The following MOGAT1 variants were observed in gnomAD, a reference collection of about 807,000 sequenced individuals.
The protein encoded by MOGAT1 is monoacylglycerol O-acyltransferase 1, also known as 2-acylglycerol O-acyltransferase 1.
In MOGAT1, 32 loss-of-function variants were observed where a neutral mutation model predicts 31.4. That is an observed-to-expected ratio of 1.02 (90% CI 0.77 to 1.37). The LOEUF is 1.37. Ranked by LOEUF, MOGAT1 falls within the 40% of genes most tolerant of loss-of-function variation. The probability of loss-of-function intolerance (pLI) is 0.00; values close to 1 mark genes in which losing one functional copy is unlikely to be tolerated. For missense variants in MOGAT1, 426 were observed against 402.0 expected (o/e 1.06, Z -0.51); for synonymous variants, 145 against 144.5 (o/e 1.00, Z -0.03).
At chr2:222,708,345 A>G (rs894243879) in intron 5 of MOGAT1, among the ~76,000 whole-genome samples, 2 of 152,024 alleles carry the variant, frequency 1.3e-5, no homozygotes, top group Non-Finnish European at 2.9e-5. Flanking sequence ...CAGCCTCCCA[A>G]AGTGTTGGGA....
intron 1 of MOGAT1, among the ~76,000 whole-genome samples, chr2:222,679,718 G>T (rs1047558125): frequency 6.6e-6 from 1 of 152,236 alleles, no homozygotes; most frequent in Non-Finnish European, 1.5e-5. Context: ...AGCAGTCATT[G>T]TTTTGGACTG....
chr2:222,680,130 A>T (rs746460771), intron 1 of MOGAT1, among the ~76,000 whole-genome samples: 1 of 152,234 alleles, frequency 6.6e-6, no homozygotes, highest in South Asian at 2.1e-4. Flanking sequence ...GTCTTTTCAC[A>T]TTATTTTGTC....
chr2:222,698,685 T>A (rs1692872789), intron 5 of MOGAT1: 1 of 152,186 alleles, frequency 6.6e-6, no homozygotes, highest in Admixed American at 6.5e-5. Context: ...ATTGCCACCC[T>A]CCTCTCACAC....
intron 3 of MOGAT1, among the ~76,000 whole-genome samples, chr2:222,692,343 T>C (rs948956390): frequency 2.0e-5 from 3 of 152,356 alleles, no homozygotes; most frequent in Middle Eastern, 3.4e-3. Flanking sequence ...TTTGTCATTA[T>C]TATCAATACT....
Position 222,671,776 on chromosome 2 carries a change from C to T in MOGAT1, c.-10C>T, listed in dbSNP as rs1287560389. On this transcript the variant is annotated 5_prime_UTR_variant, in exon 1 of 6. Coordinates refer to ENST00000446656, the MANE Select transcript of MOGAT1 (RefSeq NM_058165.3). Reference sequence around the variant, plus strand: ...TGCAGTGGCTGGCGCCGTCCTCGCCCGGCCAGGCCATGAAGGTAGAGTTTG... The same window carrying T: ...TGCAGTGGCTGGCGCCGTCCTCGCCTGGCCAGGCCATGAAGGTAGAGTTTG... The T allele has an allele frequency of 7.7e-6, 12 of 1,549,670 alleles. No homozygotes were observed. Among genetic ancestry groups the T allele is most frequent in the Non-Finnish European group, 1.0e-5 (12 of 1,146,596 alleles).
chr2:222,707,016 C>A (rs868709912), intron 5 of MOGAT1, among the ~76,000 whole-genome samples: 2 of 152,002 alleles, frequency 1.3e-5, no homozygotes, highest in Admixed American at 6.6e-5. Context: ...CATAGTGAAC[C>A]CTGTCTCTAC....
At chr2:222,694,220 A>C in intron 3 of MOGAT1, 142 bp from the exon 4 acceptor site, 1 of 735,218 alleles carries the variant, frequency 1.4e-6, no homozygotes, top group Non-Finnish European at 2.1e-6. Flanking sequence ...GCTATGAAAA[A>C]TTACAAACTT....
Position 222,688,463 on chromosome 2 carries a change from T to A in MOGAT1, c.214T>A (p.Ser72Thr). 1 of 1,613,802 alleles carries A rather than the reference T, an allele frequency of 6.2e-7. No individual in the cohort carries two copies. The highest frequency in any genetic ancestry group is 8.5e-7 in the Non-Finnish European group (1 of 1,179,826). Residue 72 changes from serine to threonine, a missense_variant, in exon 2 of 6, where the codon TCC becomes ACC. Ser to Thr is a moderately conservative substitution (Grantham distance 58, BLOSUM62 1). Transcript: ENST00000446656. ...TACCCCAGAGCGAGGAGGCAGGAGA[T>A]CCAGCTGGATCAAAAATTGGACTCT... Reference protein sequence around the residue: ...WHTPERGGRRSSWIKNWTLWK... With the variant: ...WHTPERGGRRTSWIKNWTLWK...
intron 3 of MOGAT1, among the ~76,000 whole-genome samples, chr2:222,692,419 A>G (rs917998635): frequency 6.6e-6 from 1 of 152,226 alleles, no homozygotes. Flanking sequence ...TGATCAGTCA[A>G]TGTGGTGGCT....
rs76338823 is a variant in MOGAT1 at position 222,696,163 on chromosome 2, C to T, written c.853+875C>T. 6.2e-3 allele frequency among the ~76,000 whole-genome samples: 942 copies of T among 152,318 alleles called. 9 individuals carry two copies. The highest frequency in any genetic ancestry group is 0.021 in the African/African-American group (877 of 41,562). Reference sequence around the variant, plus strand: ...ACATATATCACAATTTCCTTATCCACTCAATGATGGGCATTTGGGCTGGTT... The same window carrying T: ...ACATATATCACAATTTCCTTATCCATTCAATGATGGGCATTTGGGCTGGTT... On this transcript the variant is annotated intron_variant, in intron 5 of 5. Coordinates refer to ENST00000446656, the MANE Select transcript of MOGAT1 (RefSeq NM_058165.3).
chr2:222,703,470 C>T (rs968057935), intron 5 of MOGAT1, among the ~76,000 whole-genome samples: 1 of 151,918 alleles, frequency 6.6e-6, no homozygotes, highest in African/African-American at 2.4e-5. Flanking sequence ...GCCAAAGTGG[C>T]ATATTTTAGG....
chr2:222,676,216 G>A (rs1692495830), intron 1 of MOGAT1, among the ~76,000 whole-genome samples: 1 of 148,822 alleles, frequency 6.7e-6, no homozygotes, highest in Admixed American at 6.7e-5. Flanking sequence ...TGAACCCCTT[G>A]GCTCAAGGGA....
intron 3 of MOGAT1, among the ~76,000 whole-genome samples, chr2:222,693,912 A>C (rs2106039544): frequency 6.6e-6 from 1 of 152,354 alleles, no homozygotes; most frequent in African/African-American, 2.4e-5. Context: ...TTATATATTC[A>C]GAAAATCCAC....
intron 5 of MOGAT1, among the ~76,000 whole-genome samples, chr2:222,702,884 G>A (rs939457815): frequency 2.6e-5 from 4 of 151,086 alleles, no homozygotes; most frequent in East Asian, 3.9e-4. Context: ...AAGGGATTTC[G>A]TAAAATATTT....
chr2:222,679,377 C>T (rs11692810), intron 1 of MOGAT1, among the ~76,000 whole-genome samples: 80 of 151,640 alleles, frequency 5.3e-4, no homozygotes, highest in African/African-American at 1.3e-3. Context: ...GATTATTCCA[C>T]GTCCTTATCA....
At chr2:222,694,185 A>G (rs1692807738) in intron 3 of MOGAT1, among the ~76,000 whole-genome samples, 177 bp from the exon 4 acceptor site, 1 of 152,244 alleles carries the variant, frequency 6.6e-6, no homozygotes, top group Non-Finnish European at 1.5e-5. Context: ...TTAACTTATT[A>G]ATAGAATACA....
At chr2:222,684,662 C>T (rs186167229) in intron 1 of MOGAT1, among the ~76,000 whole-genome samples, 3 of 152,102 alleles carry the variant, frequency 2.0e-5, no homozygotes, top group Non-Finnish European at 2.9e-5. Context: ...CTGCAACCTC[C>T]GCCTCCCAGG....
intron 5 of MOGAT1, among the ~76,000 whole-genome samples, chr2:222,697,151 A>G (rs1692848688): frequency 6.6e-6 from 1 of 152,222 alleles, no homozygotes; most frequent in Non-Finnish European, 1.5e-5. Flanking sequence ...CACTAATAGC[A>G]GAATTACTAA....
intron 1 of MOGAT1, among the ~76,000 whole-genome samples, chr2:222,674,142 GAGTGGATT>G (rs1260195824): frequency 1.3e-5 from 2 of 152,216 alleles, no homozygotes; most frequent in Non-Finnish European, 1.5e-5. Flanking sequence ...GACCGCATGT[GAGTGGATT>G]AGTGACGAGG....
Sources: gnomAD v4.1 joint callset for allele counts (sites outside exome capture counted in the v4.1 genomes callset) on GRCh38, gnomAD v4.1.1 for gene constraint, MANE v1.5 for transcripts, NCBI Gene and HGNC (gene_info 2026-07-23, HGNC 2026-07-21) for gene names.